The following GMNC variants were observed in gnomAD, a reference collection of about 807,000 sequenced individuals.
The protein encoded by GMNC is geminin coiled-coil domain-containing protein 1.
A neutral mutation model predicts 33.6 loss-of-function variants in GMNC; 16 were observed. The ratio of observed to expected loss-of-function variants is 0.48; its 90% confidence interval spans 0.32 to 0.72. The LOEUF (loss-of-function observed/expected upper bound fraction) is 0.72, where lower values mean the gene tolerates loss of function less well. Among genes scored for constraint, GMNC ranks in the 30% least tolerant of loss-of-function variants. The pLI is 0.03. For synonymous variants in GMNC, 156 were observed against 147.3 expected (o/e 1.06, Z -0.43); for missense variants, 393 against 388.9 (o/e 1.01, Z -0.09).
downstream of GMNC, among the ~76,000 whole-genome samples, chr3:190,851,893 CAT>C (rs1188277248): frequency 6.6e-6 from 1 of 151,690 alleles, no homozygotes; most frequent in Non-Finnish European, 1.5e-5. Context: ...ATATAGAAAT[CAT>C]ATTATTTAAA....
chr3:190,856,441 A>T (rs1175886032), intron 4 of GMNC, among the ~76,000 whole-genome samples: 1 of 145,086 alleles, frequency 6.9e-6, no homozygotes, highest in African/African-American at 2.5e-5. Flanking sequence ...ATATAAGTAA[A>T]TATTCATAAA....
In GMNC at chr3:190,861,797, C is replaced by T. The variant is rs563446779; in HGVS notation, c.3+816G>A. On this transcript the variant is annotated intron_variant, in intron 1 of 4. Coordinates refer to ENST00000442080, the MANE Select transcript of GMNC (RefSeq NM_001146686.3). The surrounding 1 kb of genome is among the most constrained non-coding windows in gnomAD (Gnocchi z 5.1). ...GTCCAGGCAGGGGCAGGTATGCAGC[C>T]TTCCTGGGTTAATTTGTACAACACC... Among the ~76,000 whole-genome samples the T allele has an allele frequency of 1.3e-5, 2 of 152,244 alleles. No individual in the cohort carries two copies. Among genetic ancestry groups the T allele is most frequent in the South Asian group, 4.1e-4 (2 of 4,822 alleles).
Position 190,852,981 on chromosome 3 carries a change from G to A in GMNC, c.*2314C>T, listed in dbSNP as rs1320070684. 4 of 151,972 alleles carry A rather than the reference G, an allele frequency of 2.6e-5. No individual in the cohort carries two copies. The highest frequency in any genetic ancestry group is 4.4e-5 in the Non-Finnish European group (3 of 67,944). 9.4% of individuals were successfully genotyped at this position (151,972 alleles called of 1,614,324 possible). ...TTATAGACATGATTTCAAAAACGTG[G>A]TAATTGTCTTCCATAACATCGTCCA... is the stretch of plus-strand genomic sequence containing the variant. On this transcript the variant is annotated 3_prime_UTR_variant, in exon 5 of 5. Transcript: ENST00000442080.
chr3:190,852,271 C>T (rs9883597), downstream of GMNC, among the ~76,000 whole-genome samples: 57,943 of 151,860 alleles, frequency 0.38, 12,021 homozygotes, highest in African/African-American at 0.54. Flanking sequence ...TGTCATTCTT[C>T]CTTTAAAAAA....
At chr3:190,851,789 G>A (rs773765006), downstream of GMNC, among the ~76,000 whole-genome samples, 3 of 151,684 alleles carry the variant, frequency 2.0e-5, no homozygotes, top group Non-Finnish European at 4.4e-5. Flanking sequence ...TCCAAAATAA[G>A]GGCCAAAAGT....
chr3:190,843,421 C>A, the GMNC span, among the ~76,000 whole-genome samples: 1 of 152,084 alleles, frequency 6.6e-6, no homozygotes, highest in African/African-American at 2.4e-5. Flanking sequence ...CGACCATAAA[C>A]AAGCTAGAAG....
chr3:190,848,282 C>G (rs1737581951), downstream of GMNC, among the ~76,000 whole-genome samples: 1 of 152,170 alleles, frequency 6.6e-6, no homozygotes. Flanking sequence ...ATATATACAC[C>G]ATTTTATAAA....
At chr3:190,851,008 C>T (rs1368102490), downstream of GMNC, among the ~76,000 whole-genome samples, 1 of 152,032 alleles carries the variant, frequency 6.6e-6, no homozygotes, top group Non-Finnish European at 1.5e-5. Context: ...AAATAAAATC[C>T]AGGTTATCCA....
the GMNC span, among the ~76,000 whole-genome samples, chr3:190,843,405 A>C: frequency 6.6e-6 from 1 of 152,180 alleles, no homozygotes; most frequent in Non-Finnish European, 1.5e-5. Flanking sequence ...ATGGGGTTGT[A>C]GAACTCGACC....
downstream of GMNC, among the ~76,000 whole-genome samples, chr3:190,850,059 A>C (rs977103371): frequency 1.6e-4 from 24 of 152,312 alleles, no homozygotes; most frequent in African/African-American, 5.5e-4. Flanking sequence ...ACTTTGGACC[A>C]TGATAGCCCG....
chr3:190,844,297 A>T, the GMNC span, among the ~76,000 whole-genome samples: 1 of 151,800 alleles, frequency 6.6e-6, no homozygotes, highest in Admixed American at 6.6e-5. Context: ...TGTCATCCCA[A>T]ATTCTCTTTT....
In GMNC at chr3:190,853,639, T is replaced by C. The variant is rs574191055; in HGVS notation, c.*1656A>G. The C allele has an allele frequency of 2.2e-4, 33 of 152,118 alleles. No homozygotes were observed. The highest frequency in any genetic ancestry group is 4.8e-4 in the African/African-American group (20 of 41,478). The allele number at this position is 152,118 out of a possible 1,614,324, so 9.4% of individuals were successfully genotyped here. The stretch of plus-strand genomic sequence containing the variant: ...ACCAACACAGTTGACCTACGAGATA[T>C]TGATTGTGCAAGATGACTTATTGAG... On this transcript the variant is annotated 3_prime_UTR_variant, in exon 5 of 5. Transcript: ENST00000442080.
chr3:190,861,138 G>C lies in GMNC; in HGVS notation c.4-280C>G, dbSNP rs1737856688. Among the ~76,000 whole-genome samples, 1 of 152,102 alleles carries C rather than the reference G, an allele frequency of 6.6e-6. No homozygotes were observed. Among genetic ancestry groups the C allele is most frequent in the Admixed American group, 6.6e-5 (1 of 15,262 alleles). On this transcript the variant is annotated intron_variant, in intron 1 of 4. Coordinates refer to ENST00000442080, the MANE Select transcript of GMNC (RefSeq NM_001146686.3). The surrounding 1 kb of genome is among the most constrained non-coding windows in gnomAD (Gnocchi z 5.1). ...ATGGGTGAAATTTGTACATATCCAG[G>C]AGGATTGTCTGTTGCAACGACCAGC...
At chr3:190,850,812 T>C (rs1034545461), downstream of GMNC, among the ~76,000 whole-genome samples, 5 of 152,186 alleles carry the variant, frequency 3.3e-5, no homozygotes, top group Non-Finnish European at 5.9e-5. Context: ...TATTGTAATG[T>C]GGCCCATATA....
At position 190,854,798 on chromosome 3, in the gene GMNC, A is replaced by G. The variant is rs940328728; in HGVS notation, c.*497T>C. 5.6e-6 allele frequency: 1 copy of G among 177,722 alleles called. No homozygotes were observed. Among genetic ancestry groups the G allele is most frequent in the South Asian group, 1.2e-4 (1 of 8,082 alleles). The allele number at this position is 177,722 out of a possible 1,614,324, so 11.0% of individuals were successfully genotyped here. On this transcript the variant is annotated 3_prime_UTR_variant, in exon 5 of 5. Coordinates refer to ENST00000442080, the MANE Select transcript of GMNC (RefSeq NM_001146686.3). ...GTCTTCAGGAGTAGTGGTGATGGGC[A>G]AAGACACTTGTTTCAACCCCACCCT... is the stretch of plus-strand genomic sequence containing the variant.
downstream of GMNC, among the ~76,000 whole-genome samples, chr3:190,850,914 A>T (rs944531170): frequency 1.3e-5 from 2 of 152,202 alleles, no homozygotes; most frequent in Admixed American, 6.5e-5. Context: ...CATCAATTAC[A>T]TTCCTATTCA....
Position 190,862,530 on chromosome 3 carries a change from G to A in GMNC, c.3+83C>T, listed in dbSNP as rs1026813732. On this transcript the variant is annotated intron_variant, in intron 1 of 4. Transcript: ENST00000442080. This position sits in a 1 kb window ranked among gnomAD's most constrained non-coding sequence, Gnocchi z 4.5. The stretch of plus-strand genomic sequence containing the variant: ...GCGGAGAAATCTTGCTCCGAAGGTG[G>A]AATAAATTCTAAATGCAAAGCTTAT... 13 of 1,048,622 alleles carry A rather than the reference G, an allele frequency of 1.2e-5. No homozygotes were observed. The highest frequency in any genetic ancestry group is 9.5e-5 in the African/African-American group (6 of 63,444). 65.0% of individuals were successfully genotyped at this position (1,048,622 alleles called of 1,614,324 possible). A position where few individuals can be genotyped will look rare whatever the true frequency, so the allele number is the denominator to read the frequency against.
Position 190,857,820 on chromosome 3 carries a change from T to C in GMNC, c.347A>G (p.Asn116Ser). The change falls in exon 4 of 5, where the codon AAT becomes AGT. Residue 116 changes from asparagine to serine, a missense_variant. Transcript: ENST00000442080. ...EENNHLRQYL[N>S]SALVKCLEEK... Reference sequence around the variant, plus strand: ...TTCAAGACATTTAACCAAAGCAGAATTCAGGTATTGTCTGAGGTGATTATT... The same window carrying C: ...TTCAAGACATTTAACCAAAGCAGAACTCAGGTATTGTCTGAGGTGATTATT... 1 of 1,549,868 alleles carries C rather than the reference T, an allele frequency of 6.5e-7. No homozygotes were observed. The highest frequency in any genetic ancestry group is 8.7e-7 in the Non-Finnish European group (1 of 1,145,342).
chr3:190,856,060 A>C (rs1737729293), intron 4 of GMNC, 145 bp from the exon 5 acceptor site: 1 of 618,822 alleles, frequency 1.6e-6, no homozygotes, highest in Admixed American at 3.2e-5. Context: ...TGTGATGACA[A>C]GTTACTGCCT....
Sources: allele counts gnomAD v4.1 joint callset (sites outside exome capture counted in the v4.1 genomes callset), GRCh38; gene constraint gnomAD v4.1.1; non-coding constraint Gnocchi (gnomAD v3.1); transcripts MANE v1.5; gene names NCBI Gene and HGNC (gene_info 2026-07-23, HGNC 2026-07-21).